The following CUL7 variants were observed in gnomAD, a reference collection of about 807,000 sequenced individuals.
The protein encoded by CUL7 is cullin 7, also known as cullin-7.
A neutral mutation model predicts 177.7 loss-of-function variants in CUL7; 96 were observed. That is an observed-to-expected ratio of 0.54 (90% CI 0.46 to 0.64). The LOEUF (loss-of-function observed/expected upper bound fraction) is 0.64, where lower values mean the gene tolerates loss of function less well. Ranked by LOEUF, CUL7 falls within the 30% of genes least tolerant of loss-of-function variation. CUL7 has a pLI of 0.00. For missense variants in CUL7, 1,893 were observed against 2,187.9 expected (o/e 0.87, Z 2.69); for synonymous variants, 824 against 890.2 (o/e 0.93, Z 1.32).
At position 43,052,082 on chromosome 6, in the gene CUL7, TAAGAG is replaced by T. The variant is rs1269144075; in HGVS notation, c.580+122_580+126del. ...TGCCCACCTCCTTTTCTTCCAACTC[TAAGAG>T]AAGGGCAACAGAATCATTTACGTAC... On this transcript the variant is annotated intron_variant, in intron 2 of 25. Transcript: ENST00000265348. The surrounding 1 kb of genome is among the most constrained non-coding windows in gnomAD (Gnocchi z 4.5). 10 of 1,515,988 alleles carry T rather than the reference TAAGAG, an allele frequency of 6.6e-6. No individual in the cohort carries two copies. Among genetic ancestry groups the T allele is most frequent in the Non-Finnish European group, 8.9e-6 (10 of 1,126,080 alleles). The allele number at this position is 1,515,988 out of a possible 1,614,324, so 93.9% of individuals were successfully genotyped here. A position where few individuals can be genotyped will look rare whatever the true frequency, so the allele number is the denominator to read the frequency against.
Position 43,041,065 on chromosome 6 carries a change from T to C in CUL7, c.3656A>G (p.Gln1219Arg). The change falls in exon 20 of 26, where the codon CAG (glutamine) becomes CGG (arginine). Residue 1219 changes from glutamine (Q) to arginine (R), a missense_variant. Physicochemically the swap from Gln to Arg is conservative, Grantham distance 43 (BLOSUM62 1). Transcript: ENST00000265348. ...CTGCTGGTCAATGTGCCGGGCGAAC[T>C]GCTCACTCACCTGAGCAATGGCAGA... ...PFLKAAHVSE[Q>R]FARHIDQQIQ... is the part of the protein sequence containing the mutation. 1 of 1,613,854 alleles carries C rather than the reference T, an allele frequency of 6.2e-7. No individual in the cohort carries two copies. The highest frequency in any genetic ancestry group is 8.5e-7 in the Non-Finnish European group (1 of 1,179,918).
intron 19 of CUL7, 68 bp downstream of exon 19, chr6:43,042,734 T>C (rs1481378415): frequency 9.0e-6 from 9 of 997,112 alleles, no homozygotes; most frequent in Middle Eastern, 5.6e-4. Context: ...GGTGGGTCAT[T>C]TGGAGGAGGT....
chr6:43,052,397 G>A lies in CUL7; in HGVS notation c.392C>T (p.Thr131Ile). The change falls in exon 2 of 26, where the codon ACT (threonine) becomes ATT (isoleucine). Residue 131 changes from threonine to isoleucine, a missense_variant. This residue lies in a region of CUL7 where 653 missense variants were observed against 725.2 expected (regional missense o/e 0.90). Coordinates refer to ENST00000265348, the MANE Select transcript of CUL7 (RefSeq NM_014780.5). The surrounding 1 kb of genome is among the most constrained non-coding windows in gnomAD (Gnocchi z 4.5). The stretch of plus-strand genomic sequence containing the variant: ...GTGAAGTAGAGGAGCAGGAGGGATA[G>A]TGCCCACACACTCCTCCAGCTGCCG... Reference protein sequence around the residue: ...ALRQLEECVGTIPPAPLLHTV... With the variant: ...ALRQLEECVGIIPPAPLLHTV... 6.2e-7 allele frequency: 1 copy of A among 1,614,200 alleles called. No individual in the cohort carries two copies. The highest frequency in any genetic ancestry group is 8.5e-7 in the Non-Finnish European group (1 of 1,179,994).
rs1304401631 is a variant in CUL7, at chr6:43,051,441, C to T, written c.760G>A (p.Val254Met). 1.2e-6 allele frequency: 2 copies of T among 1,614,066 alleles called. No individual in the cohort carries two copies. The highest frequency in any genetic ancestry group is 1.1e-5 in the South Asian group (1 of 91,078). Residue 254 changes from valine (V) to methionine (M), a missense_variant, in exon 4 of 26, where the codon GTG becomes ATG. Transcript: ENST00000265348. This position sits in a 1 kb window ranked among gnomAD's most constrained non-coding sequence, Gnocchi z 5.0. ...QVPGRVLFSL[V>M]KRYLHVTSLL... ...GAGGTGACATGCAAATACCGCTTCA[C>T]CAGGGAGAAGAGCACCCTTCCTGGG...
At position 43,051,480 on chromosome 6, in the gene CUL7, A is replaced by G; in HGVS notation, c.733-12T>C. The G allele has an allele frequency of 6.2e-7, 1 of 1,613,888 alleles. No homozygotes were observed. Among genetic ancestry groups the G allele is most frequent in the Non-Finnish European group, 8.5e-7 (1 of 1,179,972 alleles). The stretch of plus-strand genomic sequence containing the variant: ...ACCCTTCCTGGGACCTGTGGGATAC[A>G]ACCTTTGGCCTATATCCACCTTGTC... On this transcript the variant is annotated splice_polypyrimidine_tract_variant and intron_variant, in intron 3 of 25. Transcript: ENST00000265348. This position sits in a 1 kb window ranked among gnomAD's most constrained non-coding sequence, Gnocchi z 5.0.
chr6:43,043,532 A>C lies in CUL7; in HGVS notation c.3271T>G (p.Ser1091Ala), dbSNP rs1395254880. The C allele has an allele frequency of 6.2e-7, 1 of 1,614,018 alleles. No individual in the cohort carries two copies. Among genetic ancestry groups the C allele is most frequent in the Non-Finnish European group, 8.5e-7 (1 of 1,180,020 alleles). Residue 1091 changes from serine to alanine, a missense_variant, in exon 17 of 26, where the codon TCG becomes GCG. Ser to Ala is a moderately conservative substitution (Grantham distance 99). Transcript: ENST00000265348. This position sits in a 1 kb window ranked among gnomAD's most constrained non-coding sequence, Gnocchi z 4.2. ...AGGTGAGTGAGACGGCGCACCCGCG[A>C]GAAGAAAGCTGGGCCGCGGCTCTGG... ...NPQSRGPAFF[S>A]RVRRLTHLLV...
chr6:43,043,723 G>A lies in CUL7; in HGVS notation c.3173-93C>T. On this transcript the variant is annotated intron_variant, in intron 16 of 25. Transcript: ENST00000265348. The surrounding 1 kb of genome is among the most constrained non-coding windows in gnomAD (Gnocchi z 4.2). ...ACAGGAGTGTGGAGATAGAGCAACTGGACGGAATGATACAAGGAAGGGGGG... is the reference window on the plus strand; with the variant it reads ...ACAGGAGTGTGGAGATAGAGCAACTAGACGGAATGATACAAGGAAGGGGGG... 1 of 842,122 alleles carries A rather than the reference G, an allele frequency of 1.2e-6. No individual in the cohort carries two copies. Among genetic ancestry groups the A allele is most frequent in the Non-Finnish European group, 2.0e-6 (1 of 499,376 alleles). The allele number at this position is 842,122 out of a possible 1,614,324, so 52.2% of individuals were successfully genotyped here. A position where few individuals can be genotyped will look rare whatever the true frequency, so the allele number is the denominator to read the frequency against.
At position 43,050,083 on chromosome 6, in the gene CUL7, A is replaced by G. The variant is rs779377521; in HGVS notation, c.1449T>C (p.Thr483=). 1.9e-6 allele frequency: 3 copies of G among 1,614,190 alleles called. No homozygotes were observed. The highest frequency in any genetic ancestry group is 2.5e-6 in the Non-Finnish European group (3 of 1,180,036). Reference sequence around the variant, plus strand: ...CCAGGGTCAGGTGTTCACACTCCTCAGTGTCCTCATCCTCAGGCAGCACAT... The same window carrying G: ...CCAGGGTCAGGTGTTCACACTCCTCGGTGTCCTCATCCTCAGGCAGCACAT... ...VPYVLPEDED[T]EECEHLTLAE... is the part of the protein sequence containing the mutation. The change falls in exon 6 of 26, where the codon ACT becomes ACC. Residue 483 remains threonine (T), a synonymous_variant. Coordinates refer to ENST00000265348, the MANE Select transcript of CUL7 (RefSeq NM_014780.5). The surrounding 1 kb of genome is among the most constrained non-coding windows in gnomAD (Gnocchi z 4.1).
chr6:43,040,149 T>C lies in CUL7; in HGVS notation c.4294+7A>G. The stretch of plus-strand genomic sequence containing the variant: ...CCAGTCCCCAGTCCCTCTGCCTGGC[T>C]GCTCACTCTTGTTGTAGAAGTTGGA... On this transcript the variant is annotated splice_region_variant and intron_variant, in intron 22 of 25. Coordinates refer to ENST00000265348, the MANE Select transcript of CUL7 (RefSeq NM_014780.5). The surrounding 1 kb of genome is among the most constrained non-coding windows in gnomAD (Gnocchi z 4.2). The C allele has an allele frequency of 6.2e-7, 1 of 1,614,208 alleles. No individual in the cohort carries two copies. Among genetic ancestry groups the C allele is most frequent in the East Asian group, 2.2e-5 (1 of 44,876 alleles).
intron 19 of CUL7, 153 bp from the exon 20 acceptor site, chr6:43,041,228 C>T: frequency 5.7e-6 from 4 of 702,812 alleles, no homozygotes; most frequent in Non-Finnish European, 7.6e-6. Flanking sequence ...GATCATTAAC[C>T]ATTGTACAAA....
intron 7 of CUL7, 150 bp downstream of exon 7, chr6:43,049,257 G>C: frequency 1.0e-6 from 1 of 1,004,262 alleles, no homozygotes; most frequent in Admixed American, 1.8e-5. Context: ...GGAACACAAT[G>C]CCTGCTTCTC....
Position 43,041,042 on chromosome 6 carries a change from G to A in CUL7, c.3679C>T (p.Gln1227Ter), listed in dbSNP as rs1439004277. 6.2e-7 allele frequency: 1 copy of A among 1,614,024 alleles called. No individual in the cohort carries two copies. The highest frequency in any genetic ancestry group is 1.1e-5 in the South Asian group (1 of 91,014). The change falls in exon 20 of 26, where the codon CAG becomes TAG. Residue 1227 changes from glutamine to a stop codon, truncating the protein, a stop_gained. Transcript: ENST00000265348. LOFTEE classifies it high-confidence loss of function. ...CCACCGATCCGGCTGCCCTGGATCT[G>A]CTGGTCAATGTGCCGGGCGAACTGC... The part of the protein sequence containing the change: ...SEQFARHIDQ[Q>*]IQGSRIGGAQ...
rs1764379421 is a variant in CUL7 at position 43,051,238 on chromosome 6, C to A, written c.963G>T (p.Arg321Ser). 1 of 1,614,002 alleles carries A rather than the reference C, an allele frequency of 6.2e-7. No homozygotes were observed. The highest frequency in any genetic ancestry group is 8.5e-7 in the Non-Finnish European group (1 of 1,179,940). ...MRWDQASDRP[R>S]SSARSPGSIF... ...TGGAACCGGGGGACCGTGCTGAGCT[C>A]CTTGGTCTGTCTGAGGCCTGGTCCC... Residue 321 changes from arginine (R) to serine (S), a missense_variant, in exon 4 of 26, where the codon AGG (arginine) becomes AGT (serine). Physicochemically the swap from Arg to Ser is moderately radical, Grantham distance 110 (BLOSUM62 -1). Around this residue, in one of 5 missense-constraint regions of CUL7, gnomAD observed 653 missense variants for 725.2 expected, o/e 0.90. Coordinates refer to ENST00000265348, the MANE Select transcript of CUL7 (RefSeq NM_014780.5). This position sits in a 1 kb window ranked among gnomAD's most constrained non-coding sequence, Gnocchi z 5.0.
At chr6:43,042,765 G>C (rs1440775808) in intron 19 of CUL7, 37 bp downstream of exon 19, 1 of 1,455,566 alleles carries the variant, frequency 6.9e-7, no homozygotes, top group Admixed American at 1.7e-5. Flanking sequence ...GAGTTTGTCG[G>C]AAGAGACCCA....
In CUL7 at chr6:43,043,926, C is replaced by T. The variant is rs1359403675; in HGVS notation, c.3173-296G>A. 6.6e-6 allele frequency among the ~76,000 whole-genome samples: 1 copy of T among 152,170 alleles called. No homozygotes were observed. Among genetic ancestry groups the T allele is most frequent in the African/African-American group, 2.4e-5 (1 of 41,426 alleles). On this transcript the variant is annotated intron_variant, in intron 16 of 25. Transcript: ENST00000265348. The surrounding 1 kb of genome is among the most constrained non-coding windows in gnomAD (Gnocchi z 4.2). ...GGTGCGGTGGCTCATGCCTGTAATC[C>T]CAGCACTTTGGGAGGCTGAGGTGGG... is the stretch of plus-strand genomic sequence containing the variant.
In CUL7 at chr6:43,052,194, C is replaced by T. The variant is rs1213631510; in HGVS notation, c.580+15G>A. Reference sequence around the variant, plus strand: ...CCTTCTCCTGCTTTCCCTTCCTCCCCACACTGCCCCTCACCAGCGTCATGG... The same window carrying T: ...CCTTCTCCTGCTTTCCCTTCCTCCCTACACTGCCCCTCACCAGCGTCATGG... On this transcript the variant is annotated intron_variant, in intron 2 of 25. Transcript: ENST00000265348. The surrounding 1 kb of genome is among the most constrained non-coding windows in gnomAD (Gnocchi z 4.5). 3 of 1,614,096 alleles carry T rather than the reference C, an allele frequency of 1.9e-6. No individual in the cohort carries two copies. Among genetic ancestry groups the T allele is most frequent in the Non-Finnish European group, 8.5e-7 (1 of 1,180,008 alleles).
rs534858608 is a variant in CUL7 at position 43,045,155 on chromosome 6, C to T, written c.3038+72G>A. The T allele has an allele frequency of 7.8e-5, 121 of 1,550,114 alleles. No homozygotes were observed. The highest frequency in any genetic ancestry group is 1.0e-4 in the Non-Finnish European group (119 of 1,142,502). ...CTCCATCTCACAGCTTCTATGGACC[C>T]CTGCCTGCCAGCTATTTGCAATAGC... On this transcript the variant is annotated intron_variant, in intron 15 of 25. Transcript: ENST00000265348. This position sits in a 1 kb window ranked among gnomAD's most constrained non-coding sequence, Gnocchi z 4.8.
In CUL7 at chr6:43,045,656, C is replaced by G; in HGVS notation, c.2793G>C (p.Arg931=). 7.4e-6 allele frequency: 12 copies of G among 1,614,232 alleles called. No individual in the cohort carries two copies. Among genetic ancestry groups the G allele is most frequent in the Non-Finnish European group, 1.0e-5 (12 of 1,180,038 alleles). ...NSVNVMPSAS[R]VILLENLTRF... is the part of the protein sequence containing the mutation. The stretch of plus-strand genomic sequence containing the variant: ...GGGTCAGGTTCTCCAGGAGGATCAC[C>G]CGGCTGGCAGAGGGCATCACATTCA... Residue 931 remains arginine, a synonymous_variant, in exon 14 of 26, where the codon CGG becomes CGC. Transcript: ENST00000265348. The surrounding 1 kb of genome is among the most constrained non-coding windows in gnomAD (Gnocchi z 4.8).
rs1460719687 is a variant in CUL7, at chr6:43,038,603, G to A, written c.4530C>T (p.Gly1510=). The change falls in exon 24 of 26, where the codon GGC becomes GGT. Residue 1510 remains glycine, a synonymous_variant. Coordinates refer to ENST00000265348, the MANE Select transcript of CUL7 (RefSeq NM_014780.5). ...CCTTTTGCTCGTGAAGGTCCAGGGG[G>A]CCTCTTGAAGAGGTGAGGGGCCCAA... is the stretch of plus-strand genomic sequence containing the variant. The part of the protein sequence containing the change: ...QAIGPLTSSR[G]PLDLHEQKDI... The A allele has an allele frequency of 6.2e-7, 1 of 1,614,022 alleles. No individual in the cohort carries two copies. Among genetic ancestry groups the A allele is most frequent in the Admixed American group, 1.7e-5 (1 of 60,022 alleles).
Sources: allele counts gnomAD v4.1 joint callset (sites outside exome capture counted in the v4.1 genomes callset), GRCh38; gene constraint gnomAD v4.1.1; regional missense constraint gnomAD v4.1.1; non-coding constraint Gnocchi (gnomAD v3.1); transcripts MANE v1.5; gene names NCBI Gene and HGNC (gene_info 2026-07-23, HGNC 2026-07-21).